SV2C: variants seen among roughly 807,000 people sequenced by gnomAD.
The protein encoded by SV2C is synaptic vesicle glycoprotein 2C.
Under a neutral mutation model 79.7 loss-of-function variants are expected in SV2C, and 49 were observed. The ratio of observed to expected loss-of-function variants is 0.61; its 90% CI spans 0.49 to 0.78. The LOEUF (loss-of-function observed/expected upper bound fraction) is 0.78. SV2C is among the 30% of genes least tolerant of loss of function. The pLI is 0.00. For synonymous variants in SV2C, 334 were observed against 333.2 expected, an observed-to-expected ratio of 1.00 and a Z score of -0.03; for missense variants, 833 against 912.9, an observed-to-expected ratio of 0.91 and a Z score of 1.13.
intron 4 of SV2C, among the ~76,000 whole-genome samples, chr5:76,258,971 G>A (rs1433320668): frequency 6.6e-6 from 1 of 152,152 alleles, no homozygotes; most frequent in Admixed American, 6.5e-5. Flanking sequence ...TGCATGTGTG[G>A]CTCTGTAGTT....
chr5:76,266,008 G>A (rs1278339626), intron 4 of SV2C, among the ~76,000 whole-genome samples: 4 of 152,102 alleles, frequency 2.6e-5, no homozygotes, highest in Non-Finnish European at 5.9e-5. Flanking sequence ...AACCTGAACT[G>A]AGTGTGTTAT....
chr5:76,184,215 T>C (rs1019181605), intron 2 of SV2C, among the ~76,000 whole-genome samples: 1 of 152,190 alleles, frequency 6.6e-6, no homozygotes, highest in African/African-American at 2.4e-5. Flanking sequence ...CTTCAGATGA[T>C]TCCAGTGAGC....
the SV2C span, among the ~76,000 whole-genome samples, chr5:75,932,568 C>T: frequency 1.2e-4 from 18 of 152,366 alleles, no homozygotes; most frequent in South Asian, 3.5e-3. Context: ...TAACTAAAAG[C>T]ATTCCTTACA....
rs770852755 is a variant in SV2C at position 76,209,722 on chromosome 5, G to T, written c.762-14G>T. ...CACACCCTGATTTCATGTATTCTCTGTACCTCTTGGCAGGATTGGAGGAGC... is the reference window on the plus strand; with the variant it reads ...CACACCCTGATTTCATGTATTCTCTTTACCTCTTGGCAGGATTGGAGGAGC... On this transcript the variant is annotated splice_polypyrimidine_tract_variant and intron_variant, in intron 3 of 12. Transcript: ENST00000502798. 1.2e-5 allele frequency: 19 copies of T among 1,612,462 alleles called. No homozygotes were observed. The highest frequency in any genetic ancestry group is 1.6e-5 in the Non-Finnish European group (19 of 1,179,104).
the SV2C span, among the ~76,000 whole-genome samples, chr5:76,049,010 A>AGAAAGAAAGAAAGAAAGAAG: frequency 9.6e-6 from 1 of 104,688 alleles, no homozygotes; most frequent in Non-Finnish European, 2.1e-5. Flanking sequence ...AAAGAAAGAA[A>AGAAAGAAAGAAAGAAAGAAG]GAAAGAAAGA....
intron 12 of SV2C, among the ~76,000 whole-genome samples, chr5:76,351,290 A>G (rs1025982409): frequency 6.6e-5 from 10 of 152,140 alleles, no homozygotes; most frequent in African/African-American, 2.4e-4. Context: ...TACAAAAACA[A>G]TAAAAAAATT....
chr5:76,026,211 C>CACACACACACACACACAT, the SV2C span, among the ~76,000 whole-genome samples: 1 of 136,748 alleles, frequency 7.3e-6, no homozygotes, highest in East Asian at 2.2e-4. Context: ...AACACACACA[C>CACACACACACACACACAT]ACACACACAC....
the SV2C span, among the ~76,000 whole-genome samples, chr5:75,869,121 T>C: frequency 6.6e-6 from 1 of 151,982 alleles, no homozygotes; most frequent in Non-Finnish European, 1.5e-5. Context: ...AGTGGGCTCT[T>C]GGGGTCCCTG....
chr5:76,022,724 T>C, the SV2C span, among the ~76,000 whole-genome samples: 2 of 152,348 alleles, frequency 1.3e-5, no homozygotes, highest in African/African-American at 4.8e-5. Flanking sequence ...GATAGACATG[T>C]TTAGAATCAC....
At chr5:75,904,319 TC>T in the SV2C span, among the ~76,000 whole-genome samples, 1 of 151,912 alleles carries the variant, frequency 6.6e-6, no homozygotes, top group South Asian at 2.1e-4. Context: ...TTAAGATATT[TC>T]TGATCTGGAT....
At chr5:76,325,029 A>C (rs576625274) in intron 12 of SV2C, among the ~76,000 whole-genome samples, 4 of 152,258 alleles carry the variant, frequency 2.6e-5, no homozygotes, top group African/African-American at 9.6e-5. Flanking sequence ...TCTCTATAAA[A>C]ATGAAAAAGA....
At chr5:76,271,034 G>C (rs1746835763) in intron 4 of SV2C, among the ~76,000 whole-genome samples, 1 of 152,060 alleles carries the variant, frequency 6.6e-6, no homozygotes, top group Admixed American at 6.5e-5. Flanking sequence ...CTCCCACAGT[G>C]CTGGTATTAC....
At chr5:75,878,788 T>G in the SV2C span, among the ~76,000 whole-genome samples, 2 of 152,160 alleles carry the variant, frequency 1.3e-5, no homozygotes, top group Admixed American at 1.3e-4. Flanking sequence ...TCACTTGAAT[T>G]TACCATTTGT....
At chr5:76,112,676 G>A (rs1156414636) in intron 1 of SV2C, among the ~76,000 whole-genome samples, 1 of 152,232 alleles carries the variant, frequency 6.6e-6, no homozygotes, top group Admixed American at 6.5e-5. Flanking sequence ...CTTAGACCAG[G>A]TAAAGAGTAG....
chr5:75,987,472 A>G, the SV2C span, among the ~76,000 whole-genome samples: 1 of 152,022 alleles, frequency 6.6e-6, no homozygotes, highest in Non-Finnish European at 1.5e-5. Flanking sequence ...ATGATAGAGC[A>G]GAGAGTTGGA....
chr5:75,962,447 C>G, the SV2C span, among the ~76,000 whole-genome samples: 1 of 152,024 alleles, frequency 6.6e-6, no homozygotes, highest in Non-Finnish European at 1.5e-5. Context: ...AATGTATTGA[C>G]TTAGAGAACT....
chr5:75,923,321 A>G, the SV2C span, among the ~76,000 whole-genome samples: 6 of 152,204 alleles, frequency 3.9e-5, no homozygotes, highest in Non-Finnish European at 7.3e-5. Flanking sequence ...TAAAAATTCT[A>G]GAAGATAACA....
At chr5:76,169,956 T>C (rs1421754970) in intron 2 of SV2C, among the ~76,000 whole-genome samples, 6 of 151,326 alleles carry the variant, frequency 4.0e-5, no homozygotes, top group Non-Finnish European at 5.9e-5. Flanking sequence ...AGTCAAACTA[T>C]ACAAGAAAGA....
intron 4 of SV2C, among the ~76,000 whole-genome samples, chr5:76,270,556 G>A (rs1205657447): frequency 6.6e-6 from 1 of 152,134 alleles, no homozygotes; most frequent in Non-Finnish European, 1.5e-5. Context: ...GCAAGTCTAT[G>A]GGAAACTGTT....
Sources: gnomAD v4.1 joint callset for allele counts (sites outside exome capture counted in the v4.1 genomes callset) on GRCh38, gnomAD v4.1.1 for gene constraint, MANE v1.5 for transcripts, NCBI Gene and HGNC (gene_info 2026-07-23, HGNC 2026-07-21) for gene names.